The following TLDC2 variants were observed in gnomAD, a reference collection of about 807,000 sequenced individuals.
The protein encoded by TLDC2 is TBC/LysM-associated domain containing 2.
In TLDC2, 23 loss-of-function variants were observed where a neutral mutation model predicts 27.9. That is an observed-to-expected ratio of 0.82 (90% CI 0.59 to 1.17). The LOEUF is 1.17. Among genes scored for constraint, TLDC2 ranks in the 50% most tolerant of loss-of-function variants. The pLI, the probability that TLDC2 is intolerant of heterozygous loss-of-function variation, is 0.00. For synonymous variants in TLDC2, 124 were observed against 107.4 expected, an observed-to-expected ratio of 1.16 and a Z score of -0.96; for missense variants, 286 against 273.4, an observed-to-expected ratio of 1.05 and a Z score of -0.32.
chr20:36,877,674 G>A (rs943753629), intron 1 of TLDC2, among the ~76,000 whole-genome samples: 2 of 152,160 alleles, frequency 1.3e-5, no homozygotes, highest in Admixed American at 1.3e-4. Context: ...TGGGGGGACT[G>A]TGCTCCAGCC....
Position 36,887,532 on chromosome 20 carries a change from A to AG in TLDC2, c.512+5dup. ...CACTGATGATGGGCAGTGGCAGGTG[A>AG]GTGTCTCAGTCTTCCCGAGTCTTGG... On this transcript the variant is annotated splice_donor_region_variant and intron_variant, in intron 5 of 6. Coordinates refer to ENST00000217320, the MANE Select transcript of TLDC2 (RefSeq NM_080628.3). The AG allele has an allele frequency of 6.2e-7, 1 of 1,613,562 alleles. No homozygotes were observed.
At position 36,894,016 on chromosome 20, in the gene TLDC2, G is replaced by A; in HGVS notation, c.*1172G>A. On this transcript the variant is annotated 3_prime_UTR_variant, in exon 7 of 7. Transcript: ENST00000217320. Reference sequence around the variant, plus strand: ...GCGGCAGTGGCAGTGACTATTCTGTGGTTCTAGCTTTTGCAGGTGGCCCCA... The same window carrying A: ...GCGGCAGTGGCAGTGACTATTCTGTAGTTCTAGCTTTTGCAGGTGGCCCCA... The A allele has an allele frequency of 2.5e-6, 1 of 398,234 alleles. No homozygotes were observed. Among genetic ancestry groups the A allele is most frequent in the Non-Finnish European group, 4.4e-6 (1 of 225,930 alleles). 24.7% of individuals were successfully genotyped at this position (398,234 alleles called of 1,614,324 possible).
chr20:36,888,704 CAAAAAAA>C (rs35828858), intron 5 of TLDC2, among the ~76,000 whole-genome samples: 46 of 62,766 alleles, frequency 7.3e-4, no homozygotes, highest in Admixed American at 2.8e-3. Context: ...AGACTCCTAT[CAAAAAAA>C]AAAAAAAAAA....
At chr20:36,881,776 C>T (rs746520906) in intron 4 of TLDC2, among the ~76,000 whole-genome samples, 5 of 152,084 alleles carry the variant, frequency 3.3e-5, no homozygotes, top group South Asian at 2.1e-4. Context: ...AAGGTGGGCT[C>T]GGCATGAGAG....
At chr20:36,880,881 G>T in intron 4 of TLDC2, 131 bp downstream of exon 4, 1 of 817,066 alleles carries the variant, frequency 1.2e-6, no homozygotes, top group Non-Finnish European at 2.0e-6. Context: ...ACAGGGGAAT[G>T]AGCAGGGCAG....
chr20:36,878,512 C>T (rs1034043819), intron 2 of TLDC2, among the ~76,000 whole-genome samples: 8 of 151,942 alleles, frequency 5.3e-5, no homozygotes, highest in Admixed American at 1.3e-4. Context: ...ACCCAGCAGG[C>T]GGAGGTTGCA....
At chr20:36,892,773 CTTATTTCTT>C (rs1990107108) in intron 6 of TLDC2, 80 bp from the exon 7 acceptor site, 7 of 912,544 alleles carry the variant, frequency 7.7e-6, no homozygotes, top group Non-Finnish European at 1.3e-5. Context: ...CTAATACCAT[CTTATTTCTT>C]TGATTAAAAG....
chr20:36,881,491 C>T (rs555511528), intron 4 of TLDC2, among the ~76,000 whole-genome samples: 5 of 152,210 alleles, frequency 3.3e-5, no homozygotes, highest in South Asian at 2.1e-4. Flanking sequence ...TGGAGAACAC[C>T]GGAGCAGCAG....
chr20:36,876,262 T>G, intron 1 of TLDC2, 55 bp downstream of exon 1: 3 of 1,594,832 alleles, frequency 1.9e-6, no homozygotes, highest in Non-Finnish European at 2.6e-6. Flanking sequence ...GGAGGTGAGG[T>G]CTCTGGCAGG....
intron 4 of TLDC2, among the ~76,000 whole-genome samples, 167 bp downstream of exon 4, chr20:36,880,917 C>G (rs1452977093): frequency 6.6e-6 from 1 of 152,270 alleles, no homozygotes; most frequent in Non-Finnish European, 1.5e-5. Context: ...CCCCCTTGAC[C>G]TGCCTGTCCT....
intron 6 of TLDC2, 61 bp from the exon 7 acceptor site, chr20:36,892,801 C>A: frequency 1.7e-6 from 2 of 1,170,084 alleles, no homozygotes; most frequent in Non-Finnish European, 1.3e-6. Context: ...AGTTACTTAG[C>A]TTCAGCATGC....
chr20:36,878,880 A>G (rs1989734917), intron 2 of TLDC2, among the ~76,000 whole-genome samples, 161 bp from the exon 3 acceptor site: 1 of 152,096 alleles, frequency 6.6e-6, no homozygotes, highest in South Asian at 2.1e-4. Context: ...CCTATCTCCG[A>G]GGGCTATGGC....
intron 2 of TLDC2, among the ~76,000 whole-genome samples, chr20:36,878,319 G>A (rs578129676): frequency 3.3e-5 from 5 of 152,264 alleles, no homozygotes; most frequent in South Asian, 2.1e-4. Context: ...GGTGGCTCAC[G>A]CCTGTAATCC....
In TLDC2 at chr20:36,893,316, T is replaced by C. The variant is rs537371033; in HGVS notation, c.*472T>C. 2.5e-5 allele frequency: 14 copies of C among 554,746 alleles called. No individual in the cohort carries two copies. The South Asian group carries it at 2.8e-4, about 11-fold the overall frequency. 34.4% of individuals were successfully genotyped at this position (554,746 alleles called of 1,614,324 possible). ...TCTGCAGAGATGACTGGGAGCAGCA[T>C]ACCACTGCCCACCTCTATGGCCTCC... On this transcript the variant is annotated 3_prime_UTR_variant, in exon 7 of 7. Transcript: ENST00000217320.
chr20:36,884,082 A>G (rs1220518934), intron 4 of TLDC2, among the ~76,000 whole-genome samples: 1 of 151,866 alleles, frequency 6.6e-6, no homozygotes, highest in East Asian at 1.9e-4. Flanking sequence ...TGACAGAGTG[A>G]GACTCTGTCT....
chr20:36,889,675 C>T, intron 6 of TLDC2: 1 of 276,192 alleles, frequency 3.6e-6, no homozygotes, highest in Non-Finnish European at 6.7e-6. Context: ...CACATCTCTT[C>T]CCCGCTAGTG....
At position 36,877,179 on chromosome 20, in the gene TLDC2, G is replaced by A. The variant is rs372202664; in HGVS notation, c.34-720G>A. 9.2e-5 allele frequency among the ~76,000 whole-genome samples: 14 copies of A among 152,092 alleles called. No individual in the cohort carries two copies. In the East Asian group the frequency reaches 1.5e-3, roughly 17 times the overall value. ...GTGGATCATCTGAGGTCAGGAGTTCGAGACCAGCCTGGCCAACAGGAGGAA... is the reference window on the plus strand; with the variant it reads ...GTGGATCATCTGAGGTCAGGAGTTCAAGACCAGCCTGGCCAACAGGAGGAA... On this transcript the variant is annotated intron_variant, in intron 1 of 6. Transcript: ENST00000217320.
intron 5 of TLDC2, 99 bp from the exon 6 acceptor site, chr20:36,889,152 C>G (rs1259245179): frequency 2.6e-6 from 4 of 1,524,354 alleles, no homozygotes; most frequent in Non-Finnish European, 3.5e-6. Context: ...TGAAACTGGG[C>G]TGCCGTCCTG....
At chr20:36,884,523 C>T (rs1989879061) in intron 4 of TLDC2, among the ~76,000 whole-genome samples, 1 of 151,858 alleles carries the variant, frequency 6.6e-6, no homozygotes, top group Admixed American at 6.6e-5. Flanking sequence ...CGTGGGACTC[C>T]CAAGGCAGGA....
Sources: gnomAD v4.1 joint callset for allele counts (sites outside exome capture counted in the v4.1 genomes callset) on GRCh38, gnomAD v4.1.1 for gene constraint, MANE v1.5 for transcripts, NCBI Gene and HGNC (gene_info 2026-07-23, HGNC 2026-07-21) for gene names.